The following MKX variants were observed in gnomAD, a reference collection of about 807,000 sequenced individuals.
MKX encodes the protein homeobox protein Mohawk.
In MKX, 13 loss-of-function variants were observed where a neutral mutation model predicts 36.0. The ratio of observed to expected loss-of-function variants is 0.36; its 90% confidence interval spans 0.24 to 0.57. The LOEUF is 0.57. MKX is among the 20% of genes least tolerant of loss of function. The pLI is 0.79. For missense variants in MKX, 458 were observed against 456.4 expected (o/e 1.00, Z -0.03); for synonymous variants, 176 against 178.3 (o/e 0.99, Z 0.10).
chr10:27,689,637 G>A (rs116762147), intron 5 of MKX, among the ~76,000 whole-genome samples: 1,834 of 152,264 alleles, frequency 0.012, 43 homozygotes, highest in African/African-American at 0.041. Context: ...GCTGGAGCTA[G>A]AGGTCACAGA....
In MKX at chr10:27,742,054, T is replaced by G. The variant is rs931154419; in HGVS notation, c.189-550A>C. On this transcript the variant is annotated intron_variant, in intron 2 of 6. Transcript: ENST00000419761. The surrounding 1 kb of genome is among the most constrained non-coding windows in gnomAD (Gnocchi z 4.2). ...TCTTTAAGCTATTTCCTTTGATCTT[T>G]TAGGAAAAGGGGGAAACTTTCTAAA... is the stretch of plus-strand genomic sequence containing the variant. Among the ~76,000 whole-genome samples, 1 of 152,228 alleles carries G rather than the reference T, an allele frequency of 6.6e-6. No individual in the cohort carries two copies. Among genetic ancestry groups the G allele is most frequent in the African/African-American group, 2.4e-5 (1 of 41,466 alleles).
intron 5 of MKX, among the ~76,000 whole-genome samples, chr10:27,689,272 C>T (rs1370506153): frequency 1.3e-5 from 2 of 152,208 alleles, no homozygotes; most frequent in Admixed American, 1.3e-4. Flanking sequence ...AGTTTTTCTA[C>T]TCACTGTTCA....
chr10:27,703,526 A>AT (rs1198494937), intron 5 of MKX, among the ~76,000 whole-genome samples: 2 of 151,718 alleles, frequency 1.3e-5, no homozygotes, highest in Non-Finnish European at 2.9e-5. Context: ...ATGGAAAAAA[A>AT]AAATAAAAGA....
intron 5 of MKX, among the ~76,000 whole-genome samples, chr10:27,680,279 G>C (rs1836231186): frequency 6.7e-6 from 1 of 150,268 alleles, no homozygotes; most frequent in Non-Finnish European, 1.5e-5. Context: ...CAGCTACACT[G>C]TCAATTACCA....
At chr10:27,706,043 TC>T (rs1341587261) in intron 5 of MKX, among the ~76,000 whole-genome samples, 1 of 151,992 alleles carries the variant, frequency 6.6e-6, no homozygotes, top group Non-Finnish European at 1.5e-5. Context: ...CATTCCTCCC[TC>T]CCCCAGCCCT....
chr10:27,732,117 A>G (rs527381178), intron 5 of MKX, among the ~76,000 whole-genome samples: 152 of 152,318 alleles, frequency 1.0e-3, no homozygotes, highest in African/African-American at 3.6e-3. Context: ...TATCAGTATT[A>G]TAAAGAAAGA....
At chr10:27,719,201 G>A (rs927762297) in intron 5 of MKX, among the ~76,000 whole-genome samples, 1 of 152,146 alleles carries the variant, frequency 6.6e-6, no homozygotes, top group Non-Finnish European at 1.5e-5. Context: ...TCATGGAAAG[G>A]AAAATACATA....
chr10:27,743,067 C>T (rs187938098), intron 2 of MKX, among the ~76,000 whole-genome samples, 161 bp downstream of exon 2: 15 of 152,350 alleles, frequency 9.8e-5, no homozygotes, highest in African/African-American at 3.6e-4. Context: ...AGCCCCTTAA[C>T]ATGAGAATGC....
chr10:27,711,071 C>T (rs1325683245), intron 5 of MKX, among the ~76,000 whole-genome samples: 1 of 152,166 alleles, frequency 6.6e-6, no homozygotes, highest in Non-Finnish European at 1.5e-5. Context: ...CATATCATTA[C>T]TTTTCAAGTA....
At chr10:27,720,691 TA>T (rs1162951381) in intron 5 of MKX, among the ~76,000 whole-genome samples, 1 of 152,096 alleles carries the variant, frequency 6.6e-6, no homozygotes, top group Non-Finnish European at 1.5e-5. Flanking sequence ...CTGCAAACAT[TA>T]TACTCTATGG....
chr10:27,731,143 A>G (rs1252946253), intron 5 of MKX, among the ~76,000 whole-genome samples: 4 of 151,772 alleles, frequency 2.6e-5, no homozygotes, highest in African/African-American at 7.3e-5. Context: ...CAAAAAAAAA[A>G]AAAAAAAGGA....
chr10:27,691,357 GT>G lies in MKX; in HGVS notation c.839-15804del, dbSNP rs542591636. 1.6e-3 allele frequency among the ~76,000 whole-genome samples: 249 copies of G among 152,284 alleles called. 1 individual carries two copies. Among genetic ancestry groups the G allele is most frequent in the African/African-American group, 5.7e-3 (236 of 41,554 alleles). On this transcript the variant is annotated intron_variant, in intron 5 of 6. Transcript: ENST00000419761. ...GGGGCTACCCTATGAGAACTATGGT[GT>G]GGGCCATTCAAAATGGACTGTTTTA...
chr10:27,678,539 G>C (rs143753128), intron 5 of MKX, among the ~76,000 whole-genome samples: 188 of 152,280 alleles, frequency 1.2e-3, no homozygotes, highest in Non-Finnish European at 2.0e-3. Context: ...CCAGAACCCT[G>C]TTCCCTACCT....
At chr10:27,696,566 A>G (rs891613251) in intron 5 of MKX, among the ~76,000 whole-genome samples, 2 of 152,190 alleles carry the variant, frequency 1.3e-5, no homozygotes, top group Non-Finnish European at 2.9e-5. Flanking sequence ...CACAAGCTGC[A>G]TATTACAAAG....
In MKX at chr10:27,683,756, A is replaced by G. The variant is rs758896997; in HGVS notation, c.839-8202T>C. 3.3e-5 allele frequency among the ~76,000 whole-genome samples: 5 copies of G among 152,336 alleles called. 1 individual carries two copies. The Middle Eastern group carries it at 0.01, about 311-fold the overall frequency. ...GATCAGTTTCTGGAGTTATTCACAT[A>G]CTTGGAACAACTGAGGATAAGAACA... is the stretch of plus-strand genomic sequence containing the variant. On this transcript the variant is annotated intron_variant, in intron 5 of 6. Transcript: ENST00000419761.
At chr10:27,683,295 G>A (rs1231650218) in intron 5 of MKX, among the ~76,000 whole-genome samples, 3 of 152,202 alleles carry the variant, frequency 2.0e-5, no homozygotes, top group African/African-American at 2.4e-5. Context: ...GCTTACCATT[G>A]GTTCCGATTG....
chr10:27,684,250 G>C (rs1367213400), intron 5 of MKX, among the ~76,000 whole-genome samples: 2 of 152,090 alleles, frequency 1.3e-5, no homozygotes, highest in African/African-American at 4.8e-5. Flanking sequence ...AGGAGGTCAA[G>C]GCTGCATTGA....
intron 3 of MKX, among the ~76,000 whole-genome samples, chr10:27,737,745 T>G (rs903236428): frequency 6.6e-6 from 1 of 152,122 alleles, no homozygotes; most frequent in Admixed American, 6.5e-5. Flanking sequence ...TTTACTAGAA[T>G]CCAACTCCAA....
Sources: allele counts gnomAD v4.1 joint callset (sites outside exome capture counted in the v4.1 genomes callset), GRCh38; gene constraint gnomAD v4.1.1; non-coding constraint Gnocchi (gnomAD v3.1); transcripts MANE v1.5; gene names NCBI Gene and HGNC (gene_info 2026-07-23, HGNC 2026-07-21).